Variants in RASSF5 observed in about 807,000 individuals in gnomAD.
RASSF5 encodes the protein ras association domain-containing protein 5.
Under a neutral mutation model 40.5 loss-of-function variants are expected in RASSF5, and 25 were observed. The ratio of observed to expected loss-of-function variants is 0.62; its 90% CI spans 0.45 to 0.86. The LOEUF (loss-of-function observed/expected upper bound fraction) is 0.86, where lower values mean the gene tolerates loss of function less well. Among genes scored for constraint, RASSF5 ranks in the 40% least tolerant of loss-of-function variants. The probability of loss-of-function intolerance (pLI) is 0.00; values close to 1 mark genes in which losing one functional copy is unlikely to be tolerated. For missense variants in RASSF5, 521 were observed against 572.8 expected (o/e 0.91, Z 0.92); for synonymous variants, 246 against 252.4 (o/e 0.97, Z 0.24).
At chr1:206,512,635 A>G (rs2103500546) in intron 1 of RASSF5, among the ~76,000 whole-genome samples, 1 of 152,110 alleles carries the variant, frequency 6.6e-6, no homozygotes, top group African/African-American at 2.4e-5. Context: ...GCCTGTGCCA[A>G]GCCTGGCAGG....
At chr1:206,582,847 C>G (rs1668947078) in intron 2 of RASSF5, among the ~76,000 whole-genome samples, 1 of 152,220 alleles carries the variant, frequency 6.6e-6, no homozygotes. Flanking sequence ...CTTGAGGAGA[C>G]AGACCATGGC....
intron 2 of RASSF5, among the ~76,000 whole-genome samples, chr1:206,554,211 C>T (rs1667922244): frequency 6.6e-6 from 1 of 152,208 alleles, no homozygotes; most frequent in South Asian, 2.1e-4. Flanking sequence ...ACTGCTGCTA[C>T]CCTTCAACTG....
chr1:206,550,558 CCTCTCTTAGCTATT>C (rs1667811638), intron 2 of RASSF5, among the ~76,000 whole-genome samples: 1 of 152,178 alleles, frequency 6.6e-6, no homozygotes. Context: ...AAGTACATAA[CCTCTCTTAGCTATT>C]ACATGGGGAC....
intron 2 of RASSF5, among the ~76,000 whole-genome samples, chr1:206,569,768 G>A (rs556885743): frequency 6.6e-6 from 1 of 152,300 alleles, no homozygotes; most frequent in South Asian, 2.1e-4. Context: ...GAGGTTTTGA[G>A]CAGGCATGCC....
intron 1 of RASSF5, among the ~76,000 whole-genome samples, chr1:206,523,732 A>T (rs374793154): frequency 5.7e-5 from 5 of 87,268 alleles, no homozygotes; most frequent in Non-Finnish European, 7.9e-5. Context: ...TTTATATATT[A>T]TATATAATAT....
chr1:206,557,075 G>C, intron 2 of RASSF5: 2 of 930,526 alleles, frequency 2.1e-6, no homozygotes, highest in Non-Finnish European at 2.6e-6. Flanking sequence ...GCCACCGGGG[G>C]CGGGTGGCAC....
rs782698840 is a variant in RASSF5, at chr1:206,585,336, C to A, written c.1104+41C>A. ...TTGTGCAAACCCAGGCCTTAGGGCACCCTGGGTGGGTGCAGGTGGGTGTTG... is the reference window on the plus strand; with the variant it reads ...TTGTGCAAACCCAGGCCTTAGGGCAACCTGGGTGGGTGCAGGTGGGTGTTG... On this transcript the variant is annotated intron_variant, in intron 5 of 5. Transcript: ENST00000579436. 12 of 1,489,732 alleles carry A rather than the reference C, an allele frequency of 8.1e-6. No homozygotes were observed. In the Admixed American group the frequency reaches 1.7e-4, roughly 21 times the overall value. The allele number at this position is 1,489,732 out of a possible 1,614,324, so 92.3% of individuals were successfully genotyped here.
chr1:206,530,573 C>T (rs937656622), intron 1 of RASSF5, among the ~76,000 whole-genome samples: 10 of 152,326 alleles, frequency 6.6e-5, no homozygotes, highest in Middle Eastern at 3.4e-3. Flanking sequence ...CCCACATCCC[C>T]TTTAATACTG....
chr1:206,509,677 G>A (rs1454039427), intron 1 of RASSF5, among the ~76,000 whole-genome samples: 1 of 152,040 alleles, frequency 6.6e-6, no homozygotes, highest in Non-Finnish European at 1.5e-5. Flanking sequence ...GTTAGACTTT[G>A]GGGGACTGTA....
intron 2 of RASSF5, among the ~76,000 whole-genome samples, chr1:206,546,788 AG>A (rs1667705720): frequency 6.6e-6 from 1 of 152,242 alleles, no homozygotes; most frequent in African/African-American, 2.4e-5. Flanking sequence ...TTTCTTATGA[AG>A]TGTTGAATAT....
At chr1:206,565,382 C>T (rs1668259903) in intron 2 of RASSF5, among the ~76,000 whole-genome samples, 1 of 152,220 alleles carries the variant, frequency 6.6e-6, no homozygotes, top group Admixed American at 6.5e-5. Flanking sequence ...AAAATTTTCC[C>T]AGGTTCCCTT....
chr1:206,583,208 T>G (rs1458984654), intron 2 of RASSF5, 61 bp from the exon 3 acceptor site: 5 of 1,122,132 alleles, frequency 4.5e-6, no homozygotes, highest in Non-Finnish European at 6.8e-6. Context: ...AGGGCGTGGT[T>G]GTTCCCTTTC....
rs1284513348 is a variant in RASSF5 at position 206,552,654 on chromosome 1, T to C, written c.579+14361T>C. ...TTGTAATGGAAAGTTACAGGGGCTC[T>C]GGGTTTGAATCTGATTCTACCATTT... On this transcript the variant is annotated intron_variant, in intron 2 of 5. Transcript: ENST00000579436. The surrounding 1 kb of genome is among the most constrained non-coding windows in gnomAD (Gnocchi z 4.1). 6.6e-6 allele frequency among the ~76,000 whole-genome samples: 1 copy of C among 152,198 alleles called. No individual in the cohort carries two copies. Among genetic ancestry groups the C allele is most frequent in the Non-Finnish European group, 1.5e-5 (1 of 68,022 alleles).
chr1:206,522,845 T>C (rs1388799853), intron 1 of RASSF5, among the ~76,000 whole-genome samples: 1 of 152,072 alleles, frequency 6.6e-6, no homozygotes, highest in African/African-American at 2.4e-5. Flanking sequence ...CCCCCTAACA[T>C]GTAGTCAAGC....
intron 1 of RASSF5, among the ~76,000 whole-genome samples, chr1:206,527,096 C>T (rs1667115993): frequency 1.3e-5 from 2 of 152,212 alleles, no homozygotes; most frequent in Admixed American, 1.3e-4. Flanking sequence ...GGCTCAAACC[C>T]TGATTCATGT....
chr1:206,570,078 CT>C (rs375900760), intron 2 of RASSF5, among the ~76,000 whole-genome samples: 1,631 of 119,146 alleles, frequency 0.014, 34 homozygotes, highest in African/African-American at 0.048. Context: ...TAAAATTTAC[CT>C]TTTTTTTTTT....
intron 2 of RASSF5, among the ~76,000 whole-genome samples, chr1:206,562,326 A>T (rs1282311273): frequency 1.3e-5 from 2 of 152,252 alleles, no homozygotes; most frequent in African/African-American, 4.8e-5. Flanking sequence ...CATGAGAGAA[A>T]AGAAAAGATT....
At chr1:206,532,169 T>C (rs1553398058) in intron 1 of RASSF5, among the ~76,000 whole-genome samples, 1 of 152,192 alleles carries the variant, frequency 6.6e-6, no homozygotes. Context: ...ATTTGTGTGC[T>C]TGTTTTGGAA....
chr1:206,508,230 C>G (rs1209805966), intron 1 of RASSF5, among the ~76,000 whole-genome samples, 171 bp downstream of exon 1: 2 of 152,168 alleles, frequency 1.3e-5, no homozygotes, highest in African/African-American at 4.8e-5. Flanking sequence ...TAGTTCCCTG[C>G]CCGGTATCCT....
Sources: allele counts gnomAD v4.1 joint callset (sites outside exome capture counted in the v4.1 genomes callset), GRCh38; gene constraint gnomAD v4.1.1; non-coding constraint Gnocchi (gnomAD v3.1); transcripts MANE v1.5; gene names NCBI Gene and HGNC (gene_info 2026-07-23, HGNC 2026-07-21).